Variants in HTR4 observed in about 807,000 individuals in gnomAD.
HTR4 encodes the protein 5-hydroxytryptamine receptor 4.
A neutral mutation model predicts 36.8 loss-of-function variants in HTR4; 16 were observed. The ratio of observed to expected loss-of-function variants is 0.43; its 90% CI spans 0.29 to 0.66. The LOEUF is 0.66. Ranked by LOEUF, HTR4 falls within the 30% of genes least tolerant of loss-of-function variation. The pLI is 0.13. For synonymous variants in HTR4, 189 were observed against 185.1 expected (o/e 1.02, Z -0.17); for missense variants, 438 against 490.9 (o/e 0.89, Z 1.02).
chr5:148,573,168 C>G (rs755110778), intron 2 of HTR4, among the ~76,000 whole-genome samples: 7 of 152,022 alleles, frequency 4.6e-5, no homozygotes, highest in Non-Finnish European at 1.0e-4. Flanking sequence ...TCAGCTCAAA[C>G]TAAGAGAAAA....
Position 148,654,386 on chromosome 5 carries a change from C to A in HTR4, c.-372G>T, listed in dbSNP as rs2127323510. On this transcript the variant is annotated 5_prime_UTR_variant, in exon 1 of 7. Transcript: ENST00000377888. ...TCCCCGCTGCCCTGCCCGCTGCCGCCCCCACTGGGCGCCAGGGACAGCGGG... is the reference window on the plus strand; with the variant it reads ...TCCCCGCTGCCCTGCCCGCTGCCGCACCCACTGGGCGCCAGGGACAGCGGG... The A allele has an allele frequency of 1.0e-6, 1 of 985,484 alleles. No individual in the cohort carries two copies. The highest frequency in any genetic ancestry group is 4.7e-5 in the South Asian group (1 of 21,292). 61.0% of individuals were successfully genotyped at this position (985,484 alleles called of 1,614,324 possible). A position where few individuals can be genotyped will look rare whatever the true frequency, so the allele number is the denominator to read the frequency against.
intron 1 of HTR4, chr5:148,646,475 T>C (rs1019009528): frequency 1.3e-5 from 2 of 152,172 alleles, no homozygotes; most frequent in East Asian, 3.9e-4. Context: ...GCCAGTGCAA[T>C]CTCAAAAGAC....
At chr5:148,533,025 C>T (rs1168967309) in intron 4 of HTR4, among the ~76,000 whole-genome samples, 1 of 152,140 alleles carries the variant, frequency 6.6e-6, no homozygotes, top group Non-Finnish European at 1.5e-5. Flanking sequence ...GGAAAACGTC[C>T]ATCGTAATCA....
chr5:148,520,906 A>G, intron 5 of HTR4: 1 of 1,367,782 alleles, frequency 7.3e-7, no homozygotes. Context: ...CCTAAGGAAT[A>G]CTTGTTCTGA....
intron 4 of HTR4, among the ~76,000 whole-genome samples, chr5:148,546,705 G>A (rs1162705259): frequency 6.6e-6 from 1 of 152,112 alleles, no homozygotes; most frequent in Non-Finnish European, 1.5e-5. Context: ...GGTTACCTCA[G>A]CTGCCCCTAT....
chr5:148,517,800 A>G (rs1168338868), intron 5 of HTR4, among the ~76,000 whole-genome samples: 2 of 152,182 alleles, frequency 1.3e-5, no homozygotes, highest in African/African-American at 4.8e-5. Flanking sequence ...AACCAGAAAG[A>G]TTCTTTAACA....
intron 2 of HTR4, among the ~76,000 whole-genome samples, chr5:148,576,128 A>AAAAAAAAAAAAAAAAAAAAAAAAAG (rs1561629268): frequency 6.9e-6 from 1 of 144,572 alleles, no homozygotes; most frequent in African/African-American, 2.6e-5. Flanking sequence ...AAAAAAAAAA[A>AAAAAAAAAAAAAAAAAAAAAAAAAG]AAAAACAAAA....
At chr5:148,575,594 C>A (rs745655566) in intron 2 of HTR4, among the ~76,000 whole-genome samples, 8 of 151,970 alleles carry the variant, frequency 5.3e-5, no homozygotes, top group Non-Finnish European at 1.2e-4. Context: ...GAAACTCACA[C>A]ATGTACCCAA....
chr5:148,594,220 G>A (rs896845406), intron 2 of HTR4, among the ~76,000 whole-genome samples: 13 of 152,080 alleles, frequency 8.5e-5, no homozygotes, highest in African/African-American at 3.1e-4. Context: ...CTCACAGACA[G>A]GTAAATGCTT....
chr5:148,461,775 T>C (rs1755283826), intron 5 of HTR4: 1 of 152,072 alleles, frequency 6.6e-6, no homozygotes, highest in Non-Finnish European at 1.5e-5. Flanking sequence ...AAAATTTATA[T>C]CAATAGACTA....
At chr5:148,542,023 T>C (rs528558277) in intron 4 of HTR4, among the ~76,000 whole-genome samples, 1 of 152,348 alleles carries the variant, frequency 6.6e-6, no homozygotes. Context: ...ATCTGTTTAC[T>C]GTCTGTATTC....
At chr5:148,627,025 T>A (rs775542780) in intron 2 of HTR4, among the ~76,000 whole-genome samples, 6 of 152,216 alleles carry the variant, frequency 3.9e-5, no homozygotes, top group Non-Finnish European at 8.8e-5. Flanking sequence ...ATGCAATTCA[T>A]CATGATCTAC....
intron 2 of HTR4, among the ~76,000 whole-genome samples, chr5:148,600,976 CAAAAAA>C (rs58003522): frequency 0.018 from 240 of 13,528 alleles, no homozygotes; most frequent in African/African-American, 0.085. Flanking sequence ...AACTCAATAG[CAAAAAA>C]AAAAAAAAAA....
intron 1 of HTR4, among the ~76,000 whole-genome samples, chr5:148,652,456 T>C (rs1165448786): frequency 6.6e-6 from 1 of 152,080 alleles, no homozygotes; most frequent in Non-Finnish European, 1.5e-5. Flanking sequence ...TCTGTGAAGT[T>C]GGGGAAGGAG....
At chr5:148,638,764 A>G (rs1333607474) in intron 1 of HTR4, among the ~76,000 whole-genome samples, 3 of 152,164 alleles carry the variant, frequency 2.0e-5, no homozygotes, top group Non-Finnish European at 4.4e-5. Flanking sequence ...TACTTTGAAA[A>G]TGATTCCTGG....
At chr5:148,525,839 G>C (rs976721874) in intron 4 of HTR4, among the ~76,000 whole-genome samples, 1 of 152,188 alleles carries the variant, frequency 6.6e-6, no homozygotes, top group African/African-American at 2.4e-5. Context: ...TTAGACATAG[G>C]ATTTTAAAAG....
intron 2 of HTR4, among the ~76,000 whole-genome samples, chr5:148,578,502 C>T (rs1761011369): frequency 6.6e-6 from 1 of 152,094 alleles, no homozygotes; most frequent in Non-Finnish European, 1.5e-5. Context: ...TGCATACTTT[C>T]AATGAACATC....
At position 148,507,621 on chromosome 5, in the gene HTR4, T is replaced by C. The variant is rs1476149624; in HGVS notation, c.1076+1835A>G. Among the ~76,000 whole-genome samples, 3 of 151,502 alleles carry C rather than the reference T, an allele frequency of 2.0e-5. No individual in the cohort carries two copies. In the East Asian group the frequency reaches 5.8e-4, roughly 29 times the overall value. On this transcript the variant is annotated intron_variant, in intron 6 of 6. Transcript: ENST00000377888. ...TATGGAAGAAAATATGGAGTGTACA[T>C]CCATATGCCATCTCTAAATTGTCTC... is the stretch of plus-strand genomic sequence containing the variant.
intron 2 of HTR4, among the ~76,000 whole-genome samples, chr5:148,610,629 T>A (rs1325315683): frequency 1.9e-4 from 29 of 151,992 alleles, no homozygotes; most frequent in African/African-American, 6.3e-4. Context: ...CCTCTCCTCC[T>A]CCAAAGGAAC....
Sources: allele counts gnomAD v4.1 joint callset (sites outside exome capture counted in the v4.1 genomes callset), GRCh38; gene constraint gnomAD v4.1.1; transcripts MANE v1.5; gene names NCBI Gene and HGNC (gene_info 2026-07-23, HGNC 2026-07-21).